The following NLRP7 variants were observed in gnomAD, a reference collection of about 807,000 sequenced individuals.
NLRP7 encodes NLR family pyrin domain containing 7, also known as NACHT, LRR and PYD domains-containing protein 7.
A neutral mutation model predicts 85.5 loss-of-function variants in NLRP7; 72 were observed. That is an observed-to-expected ratio of 0.84 (90% CI 0.70 to 1.02). The LOEUF (loss-of-function observed/expected upper bound fraction) is 1.02, where lower values mean the gene tolerates loss of function less well. Ranked by LOEUF, NLRP7 falls within the 50% of genes least tolerant of loss-of-function variation. The probability of loss-of-function intolerance (pLI) is 0.00; values close to 1 mark genes in which losing one functional copy is unlikely to be tolerated. For synonymous variants in NLRP7, 550 were observed against 505.2 expected (o/e 1.09, Z -1.19); for missense variants, 1,243 against 1,219.5 (o/e 1.02, Z -0.29).
chr19:54,957,225 T>C (rs924283291), intron 1 of NLRP7, among the ~76,000 whole-genome samples: 1 of 151,664 alleles, frequency 6.6e-6, no homozygotes, highest in Non-Finnish European at 1.5e-5. Context: ...TTCACCCTGT[T>C]GTCCAGGCTA....
chr19:54,941,118 C>CTT, intron 2 of NLRP7, 113 bp from the exon 3 acceptor site: 1 of 842,826 alleles, frequency 1.2e-6, no homozygotes. Context: ...AATCACAGCA[C>CTT]TTTGGAAGGC....
In NLRP7 at chr19:54,941,753, G is replaced by T; in HGVS notation, c.-39-3C>A. 1 of 1,581,794 alleles carries T rather than the reference G, an allele frequency of 6.3e-7. No individual in the cohort carries two copies. The highest frequency in any genetic ancestry group is 1.9e-5 in the Admixed American group (1 of 51,820). ...GACCTTAGGTTAAGGCTGAAGAACT[G>T]GGGGGAAAAAAGGAAAAACAGTTCA... On this transcript the variant is annotated splice_polypyrimidine_tract_variant and splice_region_variant and intron_variant, in intron 1 of 9. Transcript: ENST00000340844.
exon 8 of NLRP7, chr19:54,933,633 C>G: frequency 6.2e-7 from 1 of 1,614,160 alleles, no homozygotes; most frequent in South Asian, 1.1e-5. Context: ...ACCCCTGTAT[C>G]CCCAATGGGG....
chr19:54,935,785 A>G (rs894054399), intron 6 of NLRP7, among the ~76,000 whole-genome samples: 6 of 151,768 alleles, frequency 4.0e-5, no homozygotes, highest in African/African-American at 1.5e-4. Context: ...GAGATTGATG[A>G]TCCATTCTCC....
intron 1 of NLRP7, 99 bp from the exon 2 acceptor site, chr19:54,941,849 G>C: frequency 1.1e-6 from 1 of 898,148 alleles, no homozygotes. Flanking sequence ...GCTGTACAGT[G>C]AGTGGTAAAA....
At chr19:54,938,096 G>T (rs104895506) in exon 5 of NLRP7, 3 of 1,614,044 alleles carry the variant, frequency 1.9e-6, no homozygotes, top group Non-Finnish European at 2.5e-6. Context: ...CAAAGAATCC[G>T]CACAGAAGAG....
intron 3 of NLRP7, 90 bp from the exon 4 acceptor site, chr19:54,940,556 G>T: frequency 1.4e-6 from 2 of 1,449,098 alleles, no homozygotes; most frequent in Non-Finnish European, 1.9e-6. Context: ...GCCAGGCACG[G>T]TGTCTCATGC....
intron 1 of NLRP7, among the ~76,000 whole-genome samples, chr19:54,960,722 A>G (rs1221004203): frequency 6.6e-6 from 1 of 151,868 alleles, no homozygotes; most frequent in Non-Finnish European, 1.5e-5. Context: ...CAGCCTCCCA[A>G]GTAGCTGGGA....
upstream of NLRP7, among the ~76,000 whole-genome samples, chr19:54,950,589 G>C (rs543024624): frequency 3.3e-5 from 5 of 152,312 alleles, no homozygotes; most frequent in South Asian, 1.0e-3. Context: ...TAAGTGCTGT[G>C]CTTTAGATAT....
chr19:54,940,563 A>C, intron 3 of NLRP7, 97 bp from the exon 4 acceptor site: 90 of 1,406,062 alleles, frequency 6.4e-5, no homozygotes, highest in Non-Finnish European at 7.9e-5. Flanking sequence ...ACGGTGTCTC[A>C]TGCTTGTAAT....
chr19:54,961,835 A>G (rs55897903), intron 1 of NLRP7, among the ~76,000 whole-genome samples: 26,602 of 150,682 alleles, frequency 0.18, 3,076 homozygotes, highest in Middle Eastern at 0.33. Context: ...AAAAAAAAGT[A>G]CCTCCAAATT....
intron 1 of NLRP7, among the ~76,000 whole-genome samples, chr19:54,956,165 A>AAGGGAAGG (rs1556737162): frequency 2.0e-5 from 3 of 150,338 alleles, no homozygotes; most frequent in Non-Finnish European, 4.4e-5. Flanking sequence ...GGAAGGAGGG[A>AAGGGAAGG]AGGGAAGGAG....
exon 4 of NLRP7, chr19:54,940,360 T>C: frequency 6.2e-7 from 1 of 1,614,184 alleles, no homozygotes; most frequent in South Asian, 1.1e-5. Flanking sequence ...ACCGTTGGTT[T>C]CTCAGAGTGA....
chr19:54,941,325 C>T (rs2069209157), intron 2 of NLRP7, 110 bp downstream of exon 2: 11 of 816,312 alleles, frequency 1.3e-5, no homozygotes, highest in Admixed American at 8.3e-5. Context: ...GCCCAGATCT[C>T]GCCACTGCAC....
At chr19:54,952,653 C>T (rs1174266663) in intron 1 of NLRP7, among the ~76,000 whole-genome samples, 3 of 151,926 alleles carry the variant, frequency 2.0e-5, no homozygotes, top group Admixed American at 6.6e-5. Context: ...GGTTTCCTCC[C>T]ATCTCCTCAT....
intron 5 of NLRP7, among the ~76,000 whole-genome samples, chr19:54,937,802 CAGG>C (rs964597074): frequency 6.2e-5 from 9 of 145,942 alleles, no homozygotes; most frequent in Admixed American, 3.7e-4. Flanking sequence ...GAGGCTGAGG[CAGG>C]AGAATTGCTT....
chr19:54,954,868 CAACTAGCAGCCCTATGGGCTG>C (rs1303020128), intron 1 of NLRP7, among the ~76,000 whole-genome samples: 1 of 151,234 alleles, frequency 6.6e-6, no homozygotes, highest in African/African-American at 2.4e-5. Flanking sequence ...AAAATAAGGG[CAACTAGCAGCCCTATGGGCTG>C]CTGTCTATGG....
chr19:54,932,732 T>C (rs1193993524), intron 8 of NLRP7, among the ~76,000 whole-genome samples: 1 of 152,022 alleles, frequency 6.6e-6, no homozygotes, highest in African/African-American at 2.4e-5. Context: ...CTCAGCTCAC[T>C]GCAGCCTCTG....
chr19:54,938,066 T>A (rs1261412585), exon 5 of NLRP7: 2 of 1,614,024 alleles, frequency 1.2e-6, no homozygotes, highest in Non-Finnish European at 1.7e-6. Flanking sequence ...AGATGACAGG[T>A]GCTACGGGTT....
Sources: allele counts gnomAD v4.1 joint callset (sites outside exome capture counted in the v4.1 genomes callset), GRCh38; gene constraint gnomAD v4.1.1; transcripts MANE v1.5; gene names NCBI Gene and HGNC (gene_info 2026-07-23, HGNC 2026-07-21).